The following SCHIP1 variants were observed in gnomAD, a reference collection of about 807,000 sequenced individuals.
SCHIP1 encodes the protein schwannomin-interacting protein 1.
SCHIP1 carries 8 observed loss-of-function variants against 29.7 expected under a neutral mutation model. The observed-to-expected ratio is 0.27, with a 90% CI of 0.16 to 0.49. The LOEUF is 0.49. Among genes scored for constraint, SCHIP1 ranks in the 20% least tolerant of loss-of-function variants. The pLI, the probability that SCHIP1 is intolerant of heterozygous loss-of-function variation, is 0.99. For synonymous variants in SCHIP1, 76 were observed against 94.9 expected, an observed-to-expected ratio of 0.80 and a Z score of 1.16; for missense variants, 193 against 294.6, an observed-to-expected ratio of 0.66 and a Z score of 2.52.
At position 159,897,353 on chromosome 3, in the gene SCHIP1, T is replaced by G. The variant is rs531393678; in HGVS notation, c.*579T>G. On this transcript the variant is annotated 3_prime_UTR_variant, in exon 7 of 7. Coordinates refer to ENST00000445224, the Ensembl canonical transcript of SCHIP1. ...ATATGTAAAATAAAAATTAAAACTT[T>G]GTTTCATATCATATGTCTTTTTGCT... 2.0e-5 allele frequency: 3 copies of G among 152,698 alleles called. No homozygotes were observed. In the South Asian group the frequency reaches 6.2e-4, roughly 32 times the overall value. The allele number at this position is 152,698 out of a possible 1,614,324, so 9.5% of individuals were successfully genotyped here. A position where few individuals can be genotyped will look rare whatever the true frequency, so the allele number is the denominator to read the frequency against.
chr3:159,641,303 G>A, the SCHIP1 span, among the ~76,000 whole-genome samples: 1 of 152,022 alleles, frequency 6.6e-6, no homozygotes, highest in African/African-American at 2.4e-5. Flanking sequence ...TGATCTTTTG[G>A]ATAATAATTC....
At chr3:159,568,795 G>A in the SCHIP1 span, among the ~76,000 whole-genome samples, 24 of 151,746 alleles carry the variant, frequency 1.6e-4, no homozygotes, top group Non-Finnish European at 2.9e-4. Flanking sequence ...TGTTTCCTTC[G>A]TCTATCAATT....
chr3:159,564,107 A>T, the SCHIP1 span, among the ~76,000 whole-genome samples: 1 of 152,046 alleles, frequency 6.6e-6, no homozygotes, highest in African/African-American at 2.4e-5. Context: ...TTCTTCAACA[A>T]ATTTTCCTTT....
chr3:159,714,267 T>C, the SCHIP1 span, among the ~76,000 whole-genome samples: 9 of 150,680 alleles, frequency 6.0e-5, no homozygotes, highest in African/African-American at 2.0e-4. Flanking sequence ...AGGAAGGAGG[T>C]TCCAAGATGG....
the SCHIP1 span, among the ~76,000 whole-genome samples, chr3:159,799,320 C>T: frequency 1.3e-5 from 2 of 152,240 alleles, no homozygotes; most frequent in Non-Finnish European, 2.9e-5. Context: ...GGTCCCCAGA[C>T]TTGCATTTGA....
chr3:159,460,302 G>T, the SCHIP1 span, among the ~76,000 whole-genome samples: 16 of 152,278 alleles, frequency 1.1e-4, no homozygotes, highest in Non-Finnish European at 1.6e-4. Context: ...GGTGGGTGAG[G>T]TCAGTTCCAT....
At chr3:159,303,965 A>G in the SCHIP1 span, among the ~76,000 whole-genome samples, 1 of 150,924 alleles carries the variant, frequency 6.6e-6, no homozygotes, top group Non-Finnish European at 1.5e-5. Context: ...GCACCCACTA[A>G]CTCGTCATCT....
At chr3:159,778,816 A>G in the SCHIP1 span, among the ~76,000 whole-genome samples, 2 of 152,298 alleles carry the variant, frequency 1.3e-5, no homozygotes, top group South Asian at 4.1e-4. Flanking sequence ...GAGAAGACAG[A>G]TGGAGTGAAG....
chr3:159,426,423 A>G, the SCHIP1 span, among the ~76,000 whole-genome samples: 1 of 152,254 alleles, frequency 6.6e-6, no homozygotes, highest in African/African-American at 2.4e-5. Flanking sequence ...CAAATAAACT[A>G]GAAAATCTAG....
chr3:159,732,863 G>A, the SCHIP1 span, among the ~76,000 whole-genome samples: 2 of 152,220 alleles, frequency 1.3e-5, no homozygotes, highest in African/African-American at 4.8e-5. Context: ...AGACTGCAGA[G>A]GAGAAAGTAC....
the SCHIP1 span, among the ~76,000 whole-genome samples, chr3:159,617,499 T>TA: frequency 6.6e-6 from 1 of 152,142 alleles, no homozygotes; most frequent in Non-Finnish European, 1.5e-5. Context: ...GGAAGAAACT[T>TA]ACAGTCTTCA....
the SCHIP1 span, among the ~76,000 whole-genome samples, chr3:159,521,482 G>A: frequency 6.6e-6 from 1 of 152,192 alleles, no homozygotes; most frequent in Admixed American, 6.5e-5. Flanking sequence ...TGCACGAAAG[G>A]TACTACTGAC....
the SCHIP1 span, among the ~76,000 whole-genome samples, chr3:159,517,716 C>A: frequency 6.6e-6 from 1 of 151,660 alleles, no homozygotes; most frequent in Non-Finnish European, 1.5e-5. Flanking sequence ...CTACCTATTT[C>A]TTTATGTATT....
chr3:159,868,125 T>C (rs369796997), intron 2 of SCHIP1, among the ~76,000 whole-genome samples: 6 of 150,666 alleles, frequency 4.0e-5, no homozygotes, highest in East Asian at 1.9e-4. Flanking sequence ...ATATGTAACA[T>C]ACCTATATAT....
chr3:159,318,605 C>T, the SCHIP1 span, among the ~76,000 whole-genome samples: 1 of 152,178 alleles, frequency 6.6e-6, no homozygotes, highest in Non-Finnish European at 1.5e-5. Flanking sequence ...TTCTCTTCCT[C>T]TGTCAATTGA....
At chr3:159,409,698 G>C in the SCHIP1 span, among the ~76,000 whole-genome samples, 1 of 152,108 alleles carries the variant, frequency 6.6e-6, no homozygotes, top group Non-Finnish European at 1.5e-5. Flanking sequence ...TTGTTAAAAT[G>C]TCCATATTTC....
At chr3:159,850,445 T>C (rs1370979920) in intron 1 of SCHIP1, among the ~76,000 whole-genome samples, 3 of 150,812 alleles carry the variant, frequency 2.0e-5, no homozygotes, top group Non-Finnish European at 4.4e-5. Flanking sequence ...TCTCAGCTAC[T>C]TGAGAGGCTG....
At chr3:159,429,273 T>G in the SCHIP1 span, among the ~76,000 whole-genome samples, 1 of 150,022 alleles carries the variant, frequency 6.7e-6, no homozygotes, top group Non-Finnish European at 1.5e-5. Flanking sequence ...GTGATAGTCA[T>G]AAGCTCTTGA....
chr3:159,280,173 C>T, the SCHIP1 span, among the ~76,000 whole-genome samples: 1 of 152,184 alleles, frequency 6.6e-6, no homozygotes, highest in African/African-American at 2.4e-5. Context: ...TAAAATGCCC[C>T]TGATGTCACA....
Sources: gnomAD v4.1 joint callset for allele counts (sites outside exome capture counted in the v4.1 genomes callset) on GRCh38, gnomAD v4.1.1 for gene constraint, MANE v1.5 for transcripts, NCBI Gene and HGNC (gene_info 2026-07-23, HGNC 2026-07-21) for gene names.